The following TNFRSF8 variants were observed in gnomAD, a reference collection of about 807,000 sequenced individuals.
TNFRSF8 encodes tumor necrosis factor receptor superfamily member 8.
Under a neutral mutation model 70.8 loss-of-function variants are expected in TNFRSF8, and 26 were observed. The ratio of observed to expected loss-of-function variants is 0.37; its 90% CI spans 0.27 to 0.51. The LOEUF is 0.51. Among genes scored for constraint, TNFRSF8 ranks in the 20% least tolerant of loss-of-function variants. The pLI, the probability that TNFRSF8 is intolerant of heterozygous loss-of-function variation, is 0.94. For missense variants in TNFRSF8, 720 were observed against 807.9 expected (o/e 0.89, Z 1.32); for synonymous variants, 356 against 339.2 (o/e 1.05, Z -0.54).
intron 4 of TNFRSF8, among the ~76,000 whole-genome samples, chr1:12,105,940 A>AG (rs1491421962): frequency 1.8e-5 from 2 of 111,148 alleles, no homozygotes; most frequent in African/African-American, 8.2e-5. Flanking sequence ...ACTCCGTCTC[A>AG]AAAAAAAAAA....
intron 13 of TNFRSF8, among the ~76,000 whole-genome samples, chr1:12,137,000 A>G (rs1447545405): frequency 1.3e-5 from 2 of 151,492 alleles, no homozygotes; most frequent in African/African-American, 4.9e-5. Context: ...TAAACATGTG[A>G]ACAAAGGTCT....
Position 12,104,405 on chromosome 1 carries a change from G to C in TNFRSF8, c.295G>C (p.Ala99Pro). The change falls in exon 4 of 15, where the codon GCA (alanine) becomes CCA (proline). Residue 99 changes from alanine to proline, a missense_variant. By Grantham distance (27) the Ala-to-Pro change is conservative. Transcript: ENST00000263932. Reference sequence around the variant, plus strand: ...CGACCTCGTGGAGAAGACGCCGTGTGCATGGAACTCCTCCCGTGTCTGCGA... The same window carrying C: ...CGACCTCGTGGAGAAGACGCCGTGTCCATGGAACTCCTCCCGTGTCTGCGA... ...RDDLVEKTPC[A>P]WNSSRVCECR... The C allele has an allele frequency of 6.2e-7, 1 of 1,614,058 alleles. No individual in the cohort carries two copies. Among genetic ancestry groups the C allele is most frequent in the Non-Finnish European group, 8.5e-7 (1 of 1,180,024 alleles).
chr1:12,097,153 G>T lies in TNFRSF8; in HGVS notation c.204G>T (p.Gln68His). The change falls in exon 3 of 15, where the codon CAG becomes CAT. Residue 68 changes from glutamine to histidine, a missense_variant. Transcript: ENST00000263932. ...CPQRPTDCRK[Q>H]CEPDYYLDEA... ...AGAGGCCTACTGACTGCAGGAAGCA[G>T]TGTGAGCCTGACTACTACCTGGATG... 6.2e-7 allele frequency: 1 copy of T among 1,614,160 alleles called. No individual in the cohort carries two copies. The highest frequency in any genetic ancestry group is 8.5e-7 in the Non-Finnish European group (1 of 1,180,004).
In TNFRSF8 at chr1:12,113,745, GAGAAAGAGAGAGAGAGAGAC is replaced by G. The variant is rs1046922560; in HGVS notation, c.793+1755_793+1774del. ...ATAGAGTGTGACAGAGAGAAAGACA[GAGAAAGAGAGAGAGAGAGAC>G]AGAAAGAGAGAGAGAGAGACAGACA... On this transcript the variant is annotated intron_variant, in intron 7 of 14. Coordinates refer to ENST00000263932, the MANE Select transcript of TNFRSF8 (RefSeq NM_001243.5). The surrounding 1 kb of genome is among the most constrained non-coding windows in gnomAD (Gnocchi z 4.9). Among the ~76,000 whole-genome samples the G allele has an allele frequency of 2.3e-4, 35 of 151,774 alleles. No individual in the cohort carries two copies. The South Asian group carries it at 4.0e-3, about 17-fold the overall frequency.
intron 9 of TNFRSF8, 125 bp downstream of exon 9, chr1:12,123,502 T>A: frequency 1.0e-6 from 1 of 1,004,750 alleles, no homozygotes; most frequent in Non-Finnish European, 1.4e-6. Context: ...GCTCTTTTGT[T>A]AAATGTGTGC....
Position 12,113,242 on chromosome 1 carries a change from T to C in TNFRSF8, c.793+1228T>C, listed in dbSNP as rs1641662998. Among the ~76,000 whole-genome samples, 1 of 152,214 alleles carries C rather than the reference T, an allele frequency of 6.6e-6. No individual in the cohort carries two copies. Among genetic ancestry groups the C allele is most frequent in the Admixed American group, 6.5e-5 (1 of 15,280 alleles). On this transcript the variant is annotated intron_variant, in intron 7 of 14. Transcript: ENST00000263932. The surrounding 1 kb of genome is among the most constrained non-coding windows in gnomAD (Gnocchi z 4.9). ...TGATGTTGGCTCCTGGCTGCAGCCT[T>C]GGTTCCCTTCCATGTCGGCCTCTTC...
intron 1 of TNFRSF8, among the ~76,000 whole-genome samples, chr1:12,083,440 G>A (rs900100693): frequency 1.3e-5 from 2 of 152,212 alleles, no homozygotes; most frequent in African/African-American, 4.8e-5. Context: ...TGTAATCCCA[G>A]CACTTTGGGA....
At chr1:12,135,491 A>G in intron 12 of TNFRSF8, 97 bp from the exon 13 acceptor site, 3 of 1,432,098 alleles carry the variant, frequency 2.1e-6, no homozygotes, top group Non-Finnish European at 1.9e-6. Context: ...GTTCAGCACC[A>G]CCTGTGATCC....
At chr1:12,137,850 T>C (rs905636837) in intron 13 of TNFRSF8, among the ~76,000 whole-genome samples, 7 of 152,030 alleles carry the variant, frequency 4.6e-5, no homozygotes, top group African/African-American at 1.7e-4. Context: ...CAGATACTTA[T>C]TGATGGTATA....
intron 12 of TNFRSF8, among the ~76,000 whole-genome samples, chr1:12,134,097 G>A (rs1160415476): frequency 6.6e-6 from 1 of 152,194 alleles, no homozygotes; most frequent in Non-Finnish European, 1.5e-5. Context: ...TGTCCACACA[G>A]CGTGTTCAAA....
chr1:12,115,831 CA>C lies in TNFRSF8; in HGVS notation c.946+103del. The C allele has an allele frequency of 5.3e-6, 7 of 1,320,554 alleles. No individual in the cohort carries two copies. The South Asian group carries it at 8.3e-5, about 16-fold the overall frequency. The allele number at this position is 1,320,554 out of a possible 1,614,324, so 81.8% of individuals were successfully genotyped here. ...GCCAGGGGTGGAGGCAAATGACCTA[CA>C]CCCTCGGCTGTTCATTAGGTCAGGT... On this transcript the variant is annotated intron_variant, in intron 8 of 14. Coordinates refer to ENST00000263932, the MANE Select transcript of TNFRSF8 (RefSeq NM_001243.5).
chr1:12,080,250 A>G (rs1265725797), intron 1 of TNFRSF8: 10 of 517,474 alleles, frequency 1.9e-5, no homozygotes, highest in Non-Finnish European at 3.8e-5. Context: ...TGCCCAGCCA[A>G]GATGATCCCA....
intron 14 of TNFRSF8, among the ~76,000 whole-genome samples, chr1:12,140,632 C>T (rs543692616): frequency 4.6e-5 from 7 of 152,318 alleles, no homozygotes; most frequent in Non-Finnish European, 7.4e-5. Flanking sequence ...CTTTCACTTC[C>T]GAGCTCAGTG....
At chr1:12,123,012 A>G (rs1413339286) in intron 8 of TNFRSF8, among the ~76,000 whole-genome samples, 1 of 152,008 alleles carries the variant, frequency 6.6e-6, no homozygotes, top group Non-Finnish European at 1.5e-5. Flanking sequence ...TGTTTTTAGT[A>G]GAGATGGGGT....
At chr1:12,130,557 G>T (rs1163313392) in intron 12 of TNFRSF8, among the ~76,000 whole-genome samples, 2 of 152,240 alleles carry the variant, frequency 1.3e-5, no homozygotes, top group African/African-American at 2.4e-5. Context: ...CCTTGGGCCT[G>T]TTCTGCTTCC....
chr1:12,102,222 T>C lies in TNFRSF8; in HGVS notation c.269-2157T>C, dbSNP rs568160232. ...GATGCCGGTGGTCTGCGAATGGGGC[T>C]TCTGAAACCCACCTCTGAGGGCAAT... is the stretch of plus-strand genomic sequence containing the variant. On this transcript the variant is annotated intron_variant, in intron 3 of 14. Transcript: ENST00000263932. 2.0e-5 allele frequency among the ~76,000 whole-genome samples: 3 copies of C among 152,196 alleles called. No homozygotes were observed. The East Asian group carries it at 5.8e-4, about 29-fold the overall frequency.
intron 2 of TNFRSF8, among the ~76,000 whole-genome samples, chr1:12,092,837 C>T (rs1205136188): frequency 6.8e-6 from 1 of 146,588 alleles, no homozygotes; most frequent in Non-Finnish European, 1.5e-5. Flanking sequence ...ACAGAGTTTC[C>T]CTCTGTTGCC....
At position 12,113,336 on chromosome 1, in the gene TNFRSF8, T is replaced by G. The variant is rs551448644; in HGVS notation, c.793+1322T>G. ...AAAGGCGAAGTCTTTTTCTCTTTTTTTCTTTTTTTGTATTTTTAGTAGAGA... is the reference window on the plus strand; with the variant it reads ...AAAGGCGAAGTCTTTTTCTCTTTTTGTCTTTTTTTGTATTTTTAGTAGAGA... On this transcript the variant is annotated intron_variant, in intron 7 of 14. Coordinates refer to ENST00000263932, the MANE Select transcript of TNFRSF8 (RefSeq NM_001243.5). This position sits in a 1 kb window ranked among gnomAD's most constrained non-coding sequence, Gnocchi z 4.9. 2.6e-4 allele frequency among the ~76,000 whole-genome samples: 40 copies of G among 152,312 alleles called. 1 individual carries two copies. The highest frequency in any genetic ancestry group is 7.7e-4 in the African/African-American group (32 of 41,580).
At chr1:12,140,593 A>C (rs1009387664) in intron 14 of TNFRSF8, among the ~76,000 whole-genome samples, 8 of 152,144 alleles carry the variant, frequency 5.3e-5, no homozygotes, top group African/African-American at 1.7e-4. Context: ...CAGACCCCTC[A>C]TGGCCGGCTC....
Sources: allele counts gnomAD v4.1 joint callset (sites outside exome capture counted in the v4.1 genomes callset), GRCh38; gene constraint gnomAD v4.1.1; non-coding constraint Gnocchi (gnomAD v3.1); transcripts MANE v1.5; gene names NCBI Gene and HGNC (gene_info 2026-07-23, HGNC 2026-07-21).